The following AKTIP variants were observed in gnomAD, a reference collection of about 807,000 sequenced individuals.
AKTIP encodes AKT-interacting protein.
Under a neutral mutation model 39.1 loss-of-function variants are expected in AKTIP, and 16 were observed. The ratio of observed to expected loss-of-function variants is 0.41; its 90% CI spans 0.28 to 0.62. The LOEUF (loss-of-function observed/expected upper bound fraction) is 0.62, where lower values mean the gene tolerates loss of function less well. Among genes scored for constraint, AKTIP ranks in the 20% least tolerant of loss-of-function variants. The pLI is 0.32. For missense variants in AKTIP, 262 were observed against 356.6 expected, an observed-to-expected ratio of 0.73 and a Z score of 2.14; for synonymous variants, 93 against 124.3, an observed-to-expected ratio of 0.75 and a Z score of 1.67.
intron 2 of AKTIP, 152 bp from the exon 3 acceptor site, chr16:53,498,748 G>T: frequency 1.3e-6 from 1 of 762,182 alleles, no homozygotes; most frequent in Middle Eastern, 2.7e-4. Flanking sequence ...CTTTGGGCAG[G>T]CAGGTCATAT....
In AKTIP at chr16:53,492,535, A is replaced by AAAAC. The variant is rs776719191; in HGVS notation, c.772-20_772-17dup. 2.5e-6 allele frequency: 4 copies of AAAAC among 1,613,534 alleles called. No homozygotes were observed. Among genetic ancestry groups the AAAAC allele is most frequent in the South Asian group, 2.2e-5 (2 of 91,052 alleles). ...CTTCAGGCTTCTTCTAGGCACAATC[A>AAAAC]AAACAGATATTTAAAAAATTACTGG... On this transcript the variant is annotated splice_polypyrimidine_tract_variant and intron_variant, in intron 9 of 9. Coordinates refer to ENST00000394657, the MANE Select transcript of AKTIP (RefSeq NM_022476.4).
chr16:53,498,358 C>A, intron 3 of AKTIP, 33 bp downstream of exon 3: 1 of 1,605,630 alleles, frequency 6.2e-7, no homozygotes, highest in Non-Finnish European at 8.5e-7. Flanking sequence ...AGGATCATTC[C>A]TAATTTAACC....
At chr16:53,496,388 C>A (rs532031846) in intron 3 of AKTIP, among the ~76,000 whole-genome samples, 4 of 151,972 alleles carry the variant, frequency 2.6e-5, no homozygotes, top group Non-Finnish European at 5.9e-5. Context: ...GCCAAAGGGG[C>A]CATTACTACC....
At chr16:53,498,958 C>G (rs1259938575) in intron 2 of AKTIP, among the ~76,000 whole-genome samples, 1 of 152,192 alleles carries the variant, frequency 6.6e-6, no homozygotes. Flanking sequence ...AGAAAAGTCC[C>G]CCAGCACTTA....
At chr16:53,495,779 T>C (rs536667744) in intron 3 of AKTIP, among the ~76,000 whole-genome samples, 1 of 152,334 alleles carries the variant, frequency 6.6e-6, no homozygotes, top group South Asian at 2.1e-4. Context: ...ACTTTTAAAA[T>C]ACAATGTTAG....
chr16:53,493,705 CCAGA>C, intron 8 of AKTIP: 1 of 179,780 alleles, frequency 5.6e-6, no homozygotes, highest in Non-Finnish European at 1.2e-5. Flanking sequence ...CAATACTCCT[CCAGA>C]CACTGTTCCT....
At position 53,494,612 on chromosome 16, in the gene AKTIP, T is replaced by A; in HGVS notation, c.415-7A>T. ...GAATATCGAACACCAAGCGCTGTAT[T>A]TAAATAAAGAGAGACATGTCCTTTA... On this transcript the variant is annotated splice_region_variant and splice_polypyrimidine_tract_variant and intron_variant, in intron 5 of 9. Transcript: ENST00000394657. 1 of 1,613,258 alleles carries A rather than the reference T, an allele frequency of 6.2e-7. No individual in the cohort carries two copies. The highest frequency in any genetic ancestry group is 1.3e-5 in the African/African-American group (1 of 75,002).
At chr16:53,493,963 TAAGAG>T (rs1316413967) in intron 8 of AKTIP, 170 bp downstream of exon 8, 1 of 566,190 alleles carries the variant, frequency 1.8e-6, no homozygotes, top group Non-Finnish European at 3.1e-6. Context: ...GCTTTTTGTT[TAAGAG>T]AAGAGCCTCA....
Position 53,493,963 on chromosome 16 carries a change from T to G in AKTIP, c.710+175A>C. 7.1e-6 allele frequency: 4 copies of G among 566,190 alleles called. No homozygotes were observed. The East Asian group carries it at 1.1e-4, about 16-fold the overall frequency. The allele number at this position is 566,190 out of a possible 1,614,324, so 35.1% of individuals were successfully genotyped here. ...CCTGTCAGATGTGAAGCTTTTTGTT[T>G]AAGAGAAGAGCCTCAAGAGGCATCA... On this transcript the variant is annotated intron_variant, in intron 8 of 9. Transcript: ENST00000394657.
chr16:53,494,734 A>G (rs1275606691), intron 5 of AKTIP, 129 bp from the exon 6 acceptor site: 2 of 912,082 alleles, frequency 2.2e-6, no homozygotes, highest in East Asian at 5.3e-5. Context: ...AGCTGCCTCA[A>G]GAGGGCTACT....
chr16:53,494,789 A>C (rs1197830949), intron 5 of AKTIP, 184 bp from the exon 6 acceptor site: 1 of 713,262 alleles, frequency 1.4e-6, no homozygotes, highest in African/African-American at 1.8e-5. Context: ...TTTGCAATGA[A>C]GCGGGGAAAA....
intron 3 of AKTIP, among the ~76,000 whole-genome samples, chr16:53,495,775 A>C (rs1242960031): frequency 1.3e-5 from 2 of 152,242 alleles, no homozygotes; most frequent in East Asian, 3.8e-4. Context: ...AAAAACTTTT[A>C]AAATACAATG....
Position 53,500,285 on chromosome 16 carries a change from C to G in AKTIP, c.-26G>C. On this transcript the variant is annotated 5_prime_UTR_variant, in exon 2 of 10. It removes the in-frame stop codon of an upstream open reading frame in the 5' UTR. Coordinates refer to ENST00000394657, the MANE Select transcript of AKTIP (RefSeq NM_022476.4). ...AACGTGTATTCCAAACAAAGAAAGT[C>G]AGTGGTGTATCATCCAAATCTTCTG... is the stretch of plus-strand genomic sequence containing the variant. The G allele has an allele frequency of 6.2e-7, 1 of 1,610,374 alleles. No homozygotes were observed.
chr16:53,494,888 G>A (rs550172003), intron 5 of AKTIP, 185 bp downstream of exon 5: 4 of 744,666 alleles, frequency 5.4e-6, no homozygotes, highest in African/African-American at 3.4e-5. Flanking sequence ...TGCAGACCCT[G>A]AGCAGAGAAA....
At position 53,492,138 on chromosome 16, in the gene AKTIP, A is replaced by G. The variant is rs1567754624; in HGVS notation, c.*274T>C. ...ATGAATGCAACTTACCTTTAGCATT[A>G]TATTCAGAAAAATACTTACTTAAGC... On this transcript the variant is annotated 3_prime_UTR_variant, in exon 10 of 10. Coordinates refer to ENST00000394657, the MANE Select transcript of AKTIP (RefSeq NM_022476.4). 2.8e-6 allele frequency: 1 copy of G among 363,162 alleles called. No homozygotes were observed. The highest frequency in any genetic ancestry group is 5.1e-6 in the Non-Finnish European group (1 of 197,944). The allele number at this position is 363,162 out of a possible 1,614,324, so 22.5% of individuals were successfully genotyped here.
rs1279710988 is a variant in AKTIP at position 53,494,211 on chromosome 16, C to T, written c.637G>A (p.Val213Ile). The T allele has an allele frequency of 6.2e-7, 1 of 1,614,048 alleles. No individual in the cohort carries two copies. The highest frequency in any genetic ancestry group is 1.3e-5 in the African/African-American group (1 of 74,920). Residue 213 changes from valine (V) to isoleucine (I), a missense_variant, in exon 8 of 10, where the codon GTT becomes ATT. Around this residue, in one of 4 missense-constraint regions of AKTIP, gnomAD observed 145 missense variants for 159.3 expected, o/e 0.91. Coordinates refer to ENST00000394657, the MANE Select transcript of AKTIP (RefSeq NM_022476.4). Reference sequence around the variant, plus strand: ...GTGCACACCTTAACACTGTCAACAACTTTACTTTTAAAAAGCTGAATATCT... The same window carrying T: ...GTGCACACCTTAACACTGTCAACAATTTTACTTTTAAAAAGCTGAATATCT... ...EKDIQLFKSK[V>I]VDSVKVCTAR... is the part of the protein sequence containing the mutation.
intron 8 of AKTIP, chr16:53,493,915 C>A: frequency 3.9e-6 from 2 of 510,086 alleles, no homozygotes; most frequent in Non-Finnish European, 7.0e-6. Flanking sequence ...CCAAAGTCAC[C>A]AGAGAATGTG....
At chr16:53,498,798 G>C (rs1371723243) in intron 2 of AKTIP, among the ~76,000 whole-genome samples, 1 of 152,216 alleles carries the variant, frequency 6.6e-6, no homozygotes, top group Non-Finnish European at 1.5e-5. Flanking sequence ...AAGCATTAGA[G>C]AAACTCTTTC....
At chr16:53,503,892 C>G (rs1962331088), upstream of AKTIP, among the ~76,000 whole-genome samples, 1 of 152,090 alleles carries the variant, frequency 6.6e-6, no homozygotes, top group Admixed American at 6.5e-5. Flanking sequence ...CCAAGTGGGC[C>G]CTGGGCACTA....
Sources: allele counts gnomAD v4.1 joint callset (sites outside exome capture counted in the v4.1 genomes callset), GRCh38; gene constraint gnomAD v4.1.1; regional missense constraint gnomAD v4.1.1; transcripts MANE v1.5; gene names NCBI Gene and HGNC (gene_info 2026-07-23, HGNC 2026-07-21).